SLC25A26: variants seen among roughly 807,000 people sequenced by gnomAD.
The protein encoded by SLC25A26 is mitochondrial S-adenosylmethionine carrier protein.
SLC25A26 carries 36 observed loss-of-function variants against 37.8 expected under a neutral mutation model. The ratio of observed to expected loss-of-function variants is 0.95; its 90% confidence interval spans 0.73 to 1.26. The LOEUF (loss-of-function observed/expected upper bound fraction) is 1.26, where lower values mean the gene tolerates loss of function less well. Among genes scored for constraint, SLC25A26 ranks in the 50% most tolerant of loss-of-function variants. The pLI is 0.00. For synonymous variants in SLC25A26, 129 were observed against 122.5 expected (o/e 1.05, Z -0.35); for missense variants, 390 against 331.1 (o/e 1.18, Z -1.38).
At chr3:66,263,889 A>G (rs531185969) in intron 5 of SLC25A26, among the ~76,000 whole-genome samples, 3 of 152,102 alleles carry the variant, frequency 2.0e-5, no homozygotes, top group East Asian at 3.9e-4. Flanking sequence ...CAATCTCCTG[A>G]CCTCATGATC....
intron 1 of SLC25A26, among the ~76,000 whole-genome samples, chr3:66,187,440 C>T (rs1212410450): frequency 6.6e-6 from 1 of 152,058 alleles, no homozygotes; most frequent in Non-Finnish European, 1.5e-5. Flanking sequence ...TGGCCATCAC[C>T]CTGCATATGA....
At chr3:66,178,468 T>C (rs1377748082) in intron 1 of SLC25A26, among the ~76,000 whole-genome samples, 1 of 152,168 alleles carries the variant, frequency 6.6e-6, no homozygotes, top group Non-Finnish European at 1.5e-5. Flanking sequence ...CTGACAGACG[T>C]TGTCCCTTGT....
At chr3:66,209,073 C>A (rs1256401374) in intron 1 of SLC25A26, among the ~76,000 whole-genome samples, 1 of 47,918 alleles carries the variant, frequency 2.1e-5, no homozygotes, top group South Asian at 8.3e-4. Flanking sequence ...TATACACACA[C>A]ACACCCATAT....
At chr3:66,366,260 G>A (rs974063507) in intron 7 of SLC25A26, among the ~76,000 whole-genome samples, 10 of 152,106 alleles carry the variant, frequency 6.6e-5, no homozygotes, top group Non-Finnish European at 5.9e-5. Flanking sequence ...ACTGTTCCTT[G>A]TATTTATTAC....
rs750478238 is a variant in SLC25A26, at chr3:66,362,938, G to T, written c.568+9G>T. On this transcript the variant is annotated intron_variant, in intron 7 of 9. Coordinates refer to ENST00000354883, the MANE Select transcript of SLC25A26 (RefSeq NM_001379210.1). ...CTGTGGAGCTTTTGCAGGTGCAAAGGATTATATTATACTGGGAAAGACCAA... is the reference window on the plus strand; with the variant it reads ...CTGTGGAGCTTTTGCAGGTGCAAAGTATTATATTATACTGGGAAAGACCAA... 13 of 1,582,218 alleles carry T rather than the reference G, an allele frequency of 8.2e-6. 1 individual carries two copies. Among genetic ancestry groups the T allele is most frequent in the Middle Eastern group, 1.7e-4 (1 of 6,016 alleles).
chr3:66,367,471 T>C (rs1417908358), intron 7 of SLC25A26, among the ~76,000 whole-genome samples: 3 of 152,198 alleles, frequency 2.0e-5, no homozygotes, highest in East Asian at 1.9e-4. Flanking sequence ...AGTAATTACC[T>C]AAGGCTAGAC....
intron 5 of SLC25A26, among the ~76,000 whole-genome samples, chr3:66,308,916 G>A (rs575645354): frequency 3.3e-5 from 5 of 152,280 alleles, no homozygotes; most frequent in Admixed American, 3.3e-4. Flanking sequence ...GCTTTTTGAT[G>A]TGCTGCTGGA....
intron 3 of SLC25A26, among the ~76,000 whole-genome samples, chr3:66,245,753 G>A (rs947490184): frequency 5.9e-5 from 9 of 152,106 alleles, no homozygotes; most frequent in Non-Finnish European, 1.0e-4. Context: ...GGAAAGAGAG[G>A]TAACACAAAA....
chr3:66,308,149 C>T (rs1157796223), intron 5 of SLC25A26, among the ~76,000 whole-genome samples: 2 of 152,036 alleles, frequency 1.3e-5, no homozygotes, highest in Non-Finnish European at 2.9e-5. Context: ...AGTGTTTTTC[C>T]ATTTGTTTGG....
At chr3:66,140,109 C>T (rs2070011987) in intron 1 of SLC25A26, among the ~76,000 whole-genome samples, 1 of 152,172 alleles carries the variant, frequency 6.6e-6, no homozygotes, top group African/African-American at 2.4e-5. Context: ...TGTTCTCTTT[C>T]ATGGTGGCTT....
chr3:66,318,469 C>T lies in SLC25A26; in HGVS notation c.454-27895C>T, dbSNP rs546967326. 2.0e-5 allele frequency among the ~76,000 whole-genome samples: 3 copies of T among 152,186 alleles called. No individual in the cohort carries two copies. The East Asian group carries it at 5.8e-4, about 30-fold the overall frequency. ...GAAGCTCCCGGGTGGGCCCTTGCTC[C>T]AGCCTGCCTTTCCTTGCTCTCCATG... On this transcript the variant is annotated intron_variant, in intron 5 of 9. Coordinates refer to ENST00000354883, the MANE Select transcript of SLC25A26 (RefSeq NM_001379210.1).
intron 1 of SLC25A26, among the ~76,000 whole-genome samples, chr3:66,178,949 T>A (rs146745736): frequency 6.6e-6 from 1 of 152,142 alleles, no homozygotes; most frequent in African/African-American, 2.4e-5. Flanking sequence ...TCCAAATTCC[T>A]GGTGGTGGTG....
At chr3:66,291,742 A>C (rs1331895152) in intron 5 of SLC25A26, among the ~76,000 whole-genome samples, 1 of 152,170 alleles carries the variant, frequency 6.6e-6, no homozygotes, top group Non-Finnish European at 1.5e-5. Context: ...TTTTAGAATA[A>C]GTGCGATGTG....
intron 5 of SLC25A26, among the ~76,000 whole-genome samples, chr3:66,316,272 T>G (rs2075536536): frequency 6.6e-6 from 1 of 152,248 alleles, no homozygotes; most frequent in African/African-American, 2.4e-5. Context: ...CTTTCCATAT[T>G]TAGTGCTTCC....
At chr3:66,374,492 A>G (rs1225676148) in intron 9 of SLC25A26, among the ~76,000 whole-genome samples, 1 of 152,170 alleles carries the variant, frequency 6.6e-6, no homozygotes, top group Admixed American at 6.5e-5. Context: ...TTAGGCCTCT[A>G]TTCTGTGAGA....
At position 66,368,449 on chromosome 3, in the gene SLC25A26, C is replaced by T. The variant is rs78011108; in HGVS notation, c.569-1029C>T. ...TTCAGCCATCACGACATTCAGATAA[C>T]GCAAACATGAGAGAGAAGGTTAGGA... On this transcript the variant is annotated intron_variant, in intron 7 of 9. Coordinates refer to ENST00000354883, the MANE Select transcript of SLC25A26 (RefSeq NM_001379210.1). 3.1e-3 allele frequency among the ~76,000 whole-genome samples: 479 copies of T among 152,200 alleles called. 3 individuals carry two copies. The highest frequency in any genetic ancestry group is 0.019 in the East Asian group (99 of 5,180).
chr3:66,243,932 C>G (rs1309879678), intron 3 of SLC25A26, among the ~76,000 whole-genome samples: 1 of 152,182 alleles, frequency 6.6e-6, no homozygotes, highest in Non-Finnish European at 1.5e-5. Flanking sequence ...CCAGCTTATA[C>G]TGCAAATTCT....
chr3:66,199,698 A>G (rs1347655276), intron 1 of SLC25A26, among the ~76,000 whole-genome samples: 2 of 152,000 alleles, frequency 1.3e-5, no homozygotes, highest in African/African-American at 4.8e-5. Flanking sequence ...CCTGACCCTC[A>G]TCATGAAATT....
chr3:66,147,114 C>A (rs1449689796), intron 1 of SLC25A26, among the ~76,000 whole-genome samples: 2 of 90,112 alleles, frequency 2.2e-5, no homozygotes, highest in Non-Finnish European at 4.4e-5. Flanking sequence ...CTCCCCTCCC[C>A]TCCCCTCCCC....
Sources: gnomAD v4.1 joint callset for allele counts (sites outside exome capture counted in the v4.1 genomes callset) on GRCh38, gnomAD v4.1.1 for gene constraint, MANE v1.5 for transcripts, NCBI Gene and HGNC (gene_info 2026-07-23, HGNC 2026-07-21) for gene names.